The following DGKB variants were observed in gnomAD, a reference collection of about 807,000 sequenced individuals.
DGKB encodes the protein 90 kDa diacylglycerol kinase.
A neutral mutation model predicts 114.3 loss-of-function variants in DGKB; 67 were observed. The observed-to-expected ratio is 0.59, with a 90% CI of 0.48 to 0.72. The LOEUF (loss-of-function observed/expected upper bound fraction) is 0.72, where lower values mean the gene tolerates loss of function less well. Ranked by LOEUF, DGKB falls within the 30% of genes least tolerant of loss-of-function variation. The pLI is 0.00. For synonymous variants in DGKB, 398 were observed against 323.1 expected, an observed-to-expected ratio of 1.23 and a Z score of -2.49; for missense variants, 907 against 975.2, an observed-to-expected ratio of 0.93 and a Z score of 0.93.
rs144598911 is a variant in DGKB at position 14,769,335 on chromosome 7, T to C, written c.71-11604A>G. On this transcript the variant is annotated intron_variant, in intron 2 of 25. Coordinates refer to ENST00000402815, the MANE Select transcript of DGKB (RefSeq NM_001350709.2). ...CCAGTTTGATATGGTTTTAGAGATT[T>C]ATAGTCCATGCAACATTGCACTATC... Among the ~76,000 whole-genome samples the C allele has an allele frequency of 2.8e-4, 42 of 152,188 alleles. No individual in the cohort carries two copies. The East Asian group carries it at 7.7e-3, about 28-fold the overall frequency.
intron 1 of DGKB, among the ~76,000 whole-genome samples, chr7:14,892,930 A>ATGTGTATATATACACACACATATGTG (rs1781494168): frequency 2.0e-5 from 3 of 150,066 alleles, no homozygotes; most frequent in African/African-American, 7.3e-5. Flanking sequence ...ATACATATCT[A>ATGTGTATATATACACACACATATGTG]TGTGTATATA....
intron 2 of DGKB, among the ~76,000 whole-genome samples, chr7:14,778,915 G>T (rs1220253630): frequency 6.6e-6 from 1 of 152,146 alleles, no homozygotes; most frequent in Non-Finnish European, 1.5e-5. Flanking sequence ...CAGCATTTTG[G>T]GAGGCTGAGG....
chr7:14,276,127 A>G (rs1038752807), intron 23 of DGKB, among the ~76,000 whole-genome samples: 48 of 152,232 alleles, frequency 3.2e-4, no homozygotes, highest in Non-Finnish European at 5.1e-4. Context: ...TTTATTCTCA[A>G]CTTAGCACAG....
chr7:14,799,035 A>G (rs1053223830), intron 2 of DGKB, among the ~76,000 whole-genome samples: 4 of 152,222 alleles, frequency 2.6e-5, no homozygotes, highest in Non-Finnish European at 5.9e-5. Context: ...TCCTCATTCA[A>G]TTTGTGTATC....
At chr7:14,956,563 A>G (rs779339211) in intron 1 of DGKB, among the ~76,000 whole-genome samples, 11 of 152,204 alleles carry the variant, frequency 7.2e-5, no homozygotes, top group Non-Finnish European at 1.3e-4. Context: ...CCTTTAACCA[A>G]GAATTCATAC....
intron 20 of DGKB, among the ~76,000 whole-genome samples, chr7:14,494,297 T>C (rs1449872443): frequency 6.6e-6 from 1 of 152,018 alleles, no homozygotes; most frequent in Admixed American, 6.6e-5. Context: ...TTATCTTTTA[T>C]ATTCATATAG....
In DGKB at chr7:14,736,070, AC is replaced by A; in HGVS notation, c.292del (p.Val98Ter). ...TGATAGGAGAGCAGGCTTACTTTTT[AC>A]CATTGGACTAGAATGAGGAAACTTG... is the stretch of plus-strand genomic sequence containing the variant. ...SNKFPHSSPM[V>X]KSKPALLSGG... On this transcript the variant is annotated frameshift_variant, in exon 5 of 26. Transcript: ENST00000402815. LOFTEE classifies it high-confidence loss of function. 6.2e-7 allele frequency: 1 copy of A among 1,607,310 alleles called. No homozygotes were observed.
chr7:14,254,203 T>C (rs907528397), intron 23 of DGKB, among the ~76,000 whole-genome samples: 1 of 152,194 alleles, frequency 6.6e-6, no homozygotes, highest in African/African-American at 2.4e-5. Context: ...GTTGAAAGCA[T>C]TGTACCTGCC....
intron 3 of DGKB, 44 bp downstream of exon 3, chr7:14,757,611 C>T (rs2128446916): frequency 8.9e-7 from 1 of 1,124,128 alleles, no homozygotes; most frequent in Non-Finnish European, 1.3e-6. Context: ...ATACCCTCTT[C>T]CAAGCATATA....
At chr7:14,553,965 C>CG (rs1232101795) in intron 20 of DGKB, among the ~76,000 whole-genome samples, 1 of 149,178 alleles carries the variant, frequency 6.7e-6, no homozygotes, top group Admixed American at 6.7e-5. Flanking sequence ...CTCCGCCTCC[C>CG]GGGTTCACGC....
chr7:14,525,922 A>C (rs1584575271), intron 20 of DGKB, among the ~76,000 whole-genome samples: 1 of 152,284 alleles, frequency 6.6e-6, no homozygotes, highest in South Asian at 2.1e-4. Flanking sequence ...GAAGGCTTAA[A>C]ATTTTTAAGT....
chr7:14,393,114 C>G (rs1241496341), intron 21 of DGKB, among the ~76,000 whole-genome samples: 3 of 151,170 alleles, frequency 2.0e-5, no homozygotes, highest in South Asian at 2.1e-4. Flanking sequence ...CTCAGCCTCC[C>G]GCGTAGCTGG....
intron 14 of DGKB, among the ~76,000 whole-genome samples, chr7:14,627,131 T>C (rs1260390907): frequency 6.6e-6 from 1 of 152,172 alleles, no homozygotes; most frequent in Non-Finnish European, 1.5e-5. Flanking sequence ...TAATCACAGG[T>C]ATACTGCTTG....
At chr7:14,785,320 T>C (rs1462597829) in intron 2 of DGKB, among the ~76,000 whole-genome samples, 1 of 152,190 alleles carries the variant, frequency 6.6e-6, no homozygotes, top group African/African-American at 2.4e-5. Flanking sequence ...GCAAACTCAC[T>C]AGCTCATTAA....
At chr7:14,534,851 G>A (rs1187119340) in intron 20 of DGKB, among the ~76,000 whole-genome samples, 1 of 152,108 alleles carries the variant, frequency 6.6e-6, no homozygotes, top group African/African-American at 2.4e-5. Flanking sequence ...TATGTTTCCT[G>A]ACCATAAAGG....
intron 13 of DGKB, among the ~76,000 whole-genome samples, chr7:14,651,493 G>A (rs1421393586): frequency 0.014 from 2,038 of 145,058 alleles, 23 homozygotes; most frequent in Admixed American, 0.023. Context: ...TTGATGGGAC[G>A]TATCTCAAAA....
intron 13 of DGKB, among the ~76,000 whole-genome samples, chr7:14,661,927 G>T (rs909047390): frequency 2.6e-5 from 4 of 151,940 alleles, no homozygotes; most frequent in Non-Finnish European, 5.9e-5. Flanking sequence ...AAATTGGAAA[G>T]CATCATTCTC....
intron 23 of DGKB, among the ~76,000 whole-genome samples, chr7:14,279,453 C>T (rs1799558864): frequency 1.3e-5 from 2 of 152,332 alleles, no homozygotes; most frequent in South Asian, 4.1e-4. Flanking sequence ...AAAAAGACAG[C>T]AGTAACCTCT....
upstream of DGKB, among the ~76,000 whole-genome samples, chr7:14,904,164 C>A (rs146207343): frequency 1.2e-4 from 19 of 152,250 alleles, no homozygotes; most frequent in African/African-American, 3.6e-4. Flanking sequence ...TAGTAATAGT[C>A]TGTCTTCACT....
Sources: allele counts gnomAD v4.1 joint callset (sites outside exome capture counted in the v4.1 genomes callset), GRCh38; gene constraint gnomAD v4.1.1; transcripts MANE v1.5; gene names NCBI Gene and HGNC (gene_info 2026-07-23, HGNC 2026-07-21).